The following RASGEF1C variants were observed in gnomAD, a reference collection of about 807,000 sequenced individuals.
The protein encoded by RASGEF1C is ras-GEF domain-containing family member 1C.
A neutral mutation model predicts 58.1 loss-of-function variants in RASGEF1C; 27 were observed. The observed-to-expected ratio is 0.46, with a 90% confidence interval of 0.34 to 0.64. The LOEUF is 0.64. Ranked by LOEUF, RASGEF1C falls within the 30% of genes least tolerant of loss-of-function variation. The pLI is 0.01. For missense variants in RASGEF1C, 502 were observed against 605.1 expected (o/e 0.83, Z 1.79); for synonymous variants, 243 against 246.3 (o/e 0.99, Z 0.13).
At chr5:180,207,944 G>A (rs1756518300) in intron 1 of RASGEF1C, among the ~76,000 whole-genome samples, 1 of 152,206 alleles carries the variant, frequency 6.6e-6, no homozygotes, top group Admixed American at 6.5e-5. Context: ...TCTTGGCCAT[G>A]TCCTTGCTTT....
chr5:180,125,066 G>A (rs1766232678), intron 6 of RASGEF1C, among the ~76,000 whole-genome samples: 1 of 152,162 alleles, frequency 6.6e-6, no homozygotes, highest in African/African-American at 2.4e-5. Context: ...CCGGGAGGTT[G>A]AGGCTGCAGT....
chr5:180,157,971 T>C (rs1183568864), intron 1 of RASGEF1C, among the ~76,000 whole-genome samples: 1 of 152,222 alleles, frequency 6.6e-6, no homozygotes, highest in East Asian at 1.9e-4. Flanking sequence ...GTAATAATGA[T>C]GTAGCAATGT....
At chr5:180,108,657 C>G (rs555457713) in intron 12 of RASGEF1C, among the ~76,000 whole-genome samples, 1 of 152,314 alleles carries the variant, frequency 6.6e-6, no homozygotes, top group South Asian at 2.1e-4. Context: ...TTCTAAAACT[C>G]CCATTGGCTC....
Position 180,136,364 on chromosome 5 carries a change from G to A in RASGEF1C, c.438+14C>T, listed in dbSNP as rs776844299. 1.3e-5 allele frequency: 20 copies of A among 1,550,562 alleles called. No homozygotes were observed. The highest frequency in any genetic ancestry group is 2.4e-5 in the South Asian group (2 of 83,914). On this transcript the variant is annotated intron_variant, in intron 4 of 13. Transcript: ENST00000361132. Reference sequence around the variant, plus strand: ...AGGGACCCAGGGTGACGCGACCCCCGCCCAGCTGCCCACCTCGTCACAGGG... The same window carrying A: ...AGGGACCCAGGGTGACGCGACCCCCACCCAGCTGCCCACCTCGTCACAGGG...
intron 12 of RASGEF1C, among the ~76,000 whole-genome samples, chr5:180,105,825 G>A (rs184850060): frequency 6.6e-6 from 1 of 152,046 alleles, no homozygotes; most frequent in South Asian, 2.1e-4. Flanking sequence ...CCGAGATCGT[G>A]CCACTGCACT....
intron 12 of RASGEF1C, among the ~76,000 whole-genome samples, chr5:180,103,268 G>C (rs569843614): frequency 1.3e-5 from 2 of 152,088 alleles, no homozygotes; most frequent in East Asian, 1.9e-4. Flanking sequence ...TAGTAGAGAT[G>C]GGGTTTCACC....
At chr5:180,128,367 C>G in intron 5 of RASGEF1C, 43 bp downstream of exon 5, 1 of 1,551,006 alleles carries the variant, frequency 6.4e-7, no homozygotes, top group Non-Finnish European at 8.9e-7. Flanking sequence ...CTGTGTGTGT[C>G]CTGCTGAATC....
Position 180,102,116 on chromosome 5 carries a change from T to C in RASGEF1C, c.1331A>G (p.Glu444Gly). ...DGLYLASYES[E>G]SPENQTEKER... ...TTTTTCTGTTTGGTTCTCTGGGCTC[T>C]CACTTTCGTAAGAAGCCAAATAAAG... Residue 444 changes from glutamate to glycine, a missense_variant, in exon 13 of 14, where the codon GAG (glutamate) becomes GGG (glycine). Transcript: ENST00000361132. 1 of 1,601,740 alleles carries C rather than the reference T, an allele frequency of 6.2e-7. No homozygotes were observed. Among genetic ancestry groups the C allele is most frequent in the Non-Finnish European group, 8.6e-7 (1 of 1,168,720 alleles).
chr5:180,119,541 T>C (rs945047886), intron 7 of RASGEF1C, 93 bp from the exon 8 acceptor site: 1 of 925,424 alleles, frequency 1.1e-6, no homozygotes, highest in African/African-American at 1.6e-5. Context: ...TCACCTTCTC[T>C]AAACCCATTG....
intron 1 of RASGEF1C, among the ~76,000 whole-genome samples, chr5:180,182,447 A>G (rs947671960): frequency 6.6e-6 from 1 of 152,178 alleles, no homozygotes; most frequent in African/African-American, 2.4e-5. Flanking sequence ...CAGCTTCCAC[A>G]GCTGGAAGAG....
In RASGEF1C at chr5:180,130,492, A is replaced by G. The variant is rs538403104; in HGVS notation, c.439-1882T>C. The stretch of plus-strand genomic sequence containing the variant: ...TCCTGTCTCTCTCCCAGGCAAAGCC[A>G]GAGTCCCACGAGTGGCTACACCTGC... On this transcript the variant is annotated intron_variant, in intron 4 of 13. Transcript: ENST00000361132. Among the ~76,000 whole-genome samples the G allele has an allele frequency of 8.5e-4, 130 of 152,304 alleles. 1 individual carries two copies. Among genetic ancestry groups the G allele is most frequent in the African/African-American group, 2.8e-3 (116 of 41,566 alleles).
intron 12 of RASGEF1C, among the ~76,000 whole-genome samples, chr5:180,103,304 C>T (rs893920420): frequency 6.6e-6 from 1 of 152,204 alleles, no homozygotes; most frequent in Admixed American, 6.5e-5. Context: ...GTCTCGATCT[C>T]CTGACCTTGT....
At chr5:180,152,315 A>C (rs1270482198) in intron 1 of RASGEF1C, among the ~76,000 whole-genome samples, 1 of 152,146 alleles carries the variant, frequency 6.6e-6, no homozygotes, top group Non-Finnish European at 1.5e-5. Context: ...AACCAACCCA[A>C]ATGTCCAACA....
In RASGEF1C at chr5:180,177,899, G is replaced by A. The variant is rs750493; in HGVS notation, c.-7+31129C>T. On this transcript the variant is annotated intron_variant, in intron 1 of 13. Coordinates refer to ENST00000361132, the MANE Select transcript of RASGEF1C (RefSeq NM_175062.4). This position sits in a 1 kb window ranked among gnomAD's most constrained non-coding sequence, Gnocchi z 5.0. ...TGAAAGGGGCCCACATGGAGGAAAC[G>A]GAGCCAAGACTCACAGAGACCGAGA... is the stretch of plus-strand genomic sequence containing the variant. Among the ~76,000 whole-genome samples, 20,277 of 151,974 alleles carry A rather than the reference G, an allele frequency of 0.13. 1,409 individuals are homozygous for A. Among genetic ancestry groups the A allele is most frequent in the Middle Eastern group, 0.22 (65 of 294 alleles).
At chr5:180,169,289 C>G (rs1201356075) in intron 1 of RASGEF1C, among the ~76,000 whole-genome samples, 1 of 152,168 alleles carries the variant, frequency 6.6e-6, no homozygotes, top group Non-Finnish European at 1.5e-5. Flanking sequence ...TAGAACAGAT[C>G]TAACTCCCTG....
chr5:180,150,477 A>G (rs1766728120), intron 1 of RASGEF1C, among the ~76,000 whole-genome samples: 1 of 150,834 alleles, frequency 6.6e-6, no homozygotes, highest in Non-Finnish European at 1.5e-5. Flanking sequence ...TGGACATTTG[A>G]CTCTTGCAAT....
Position 180,177,077 on chromosome 5 carries a change from C to T in RASGEF1C, c.-7+31951G>A, listed in dbSNP as rs1045431448. Among the ~76,000 whole-genome samples the T allele has an allele frequency of 2.0e-5, 3 of 152,212 alleles. No individual in the cohort carries two copies. The highest frequency in any genetic ancestry group is 2.1e-4 in the South Asian group (1 of 4,810). ...CTGCAGACGAGGGGTTTCCAAGGGA[C>T]GGCAACTTTTGCCAGCATGGAGGAG... On this transcript the variant is annotated intron_variant, in intron 1 of 13. Coordinates refer to ENST00000361132, the MANE Select transcript of RASGEF1C (RefSeq NM_175062.4). This position sits in a 1 kb window ranked among gnomAD's most constrained non-coding sequence, Gnocchi z 5.0.
chr5:180,136,848 A>G (rs1010461029), intron 3 of RASGEF1C: 22 of 328,992 alleles, frequency 6.7e-5, no homozygotes, highest in African/African-American at 4.8e-4. Flanking sequence ...CCGACCAATC[A>G]GAGCAGGCAT....
intron 12 of RASGEF1C, among the ~76,000 whole-genome samples, chr5:180,109,123 T>C (rs1765914010): frequency 1.3e-5 from 2 of 152,140 alleles, no homozygotes; most frequent in South Asian, 4.1e-4. Flanking sequence ...CCAAGTTCCA[T>C]GAAGAGGTCA....
Sources: allele counts gnomAD v4.1 joint callset (sites outside exome capture counted in the v4.1 genomes callset), GRCh38; gene constraint gnomAD v4.1.1; non-coding constraint Gnocchi (gnomAD v3.1); transcripts MANE v1.5; gene names NCBI Gene and HGNC (gene_info 2026-07-23, HGNC 2026-07-21).